GSR: variants seen among roughly 807,000 people sequenced by gnomAD.
GSR encodes the protein glutathione reductase, mitochondrial.
Under a neutral mutation model 56.5 loss-of-function variants are expected in GSR, and 48 were observed. The observed-to-expected ratio is 0.85, with a 90% CI of 0.67 to 1.08. The LOEUF is 1.08. Among genes scored for constraint, GSR ranks in the 50% least tolerant of loss-of-function variants. The pLI, the probability that GSR is intolerant of heterozygous loss-of-function variation, is 0.00. For synonymous variants in GSR, 264 were observed against 270.8 expected, an observed-to-expected ratio of 0.97 and a Z score of 0.25; for missense variants, 694 against 703.3, an observed-to-expected ratio of 0.99 and a Z score of 0.15.
intron 1 of GSR, among the ~76,000 whole-genome samples, chr8:30,723,406 C>A (rs766448657): frequency 6.6e-6 from 1 of 152,056 alleles, no homozygotes; most frequent in Non-Finnish European, 1.5e-5. Flanking sequence ...GTGGGAGGAT[C>A]GCTTGAGCCC....
intron 11 of GSR, among the ~76,000 whole-genome samples, chr8:30,681,489 C>T (rs770560628): frequency 7.3e-5 from 11 of 151,506 alleles, no homozygotes; most frequent in Non-Finnish European, 1.5e-4. Context: ...CGTGCCACTG[C>T]ACTCCAGCCT....
chr8:30,690,567 TC>T (rs1462282644), intron 8 of GSR, among the ~76,000 whole-genome samples: 4 of 152,160 alleles, frequency 2.6e-5, no homozygotes, highest in Non-Finnish European at 5.9e-5. Flanking sequence ...GATGGTAGCC[TC>T]CTCCACCAGC....
At chr8:30,698,091 G>A (rs181818967) in intron 6 of GSR, among the ~76,000 whole-genome samples, 1 of 152,236 alleles carries the variant, frequency 6.6e-6, no homozygotes, top group Admixed American at 6.6e-5. Flanking sequence ...CAAGGTTCAT[G>A]CTCCATCCAA....
At chr8:30,719,274 A>AT (rs869039312) in intron 1 of GSR, among the ~76,000 whole-genome samples, 1,160 of 17,152 alleles carry the variant, frequency 0.068, 20 homozygotes, top group Middle Eastern at 0.19. Flanking sequence ...ACCTGGATAA[A>AT]TTTTTTTTTT....
intron 7 of GSR, among the ~76,000 whole-genome samples, chr8:30,694,504 G>A (rs1419414694): frequency 2.6e-5 from 4 of 152,064 alleles, no homozygotes; most frequent in African/African-American, 4.8e-5. Context: ...GTAGAGATGG[G>A]GGTCTCACTA....
At position 30,692,865 on chromosome 8, in the gene GSR, C is replaced by T. The variant is rs76285803; in HGVS notation, c.882+104G>A. ...TACCCTAGAGGTGGAATATATGGAC[C>T]GGGGTAGACATAGTGTTTGTGTTTT... is the stretch of plus-strand genomic sequence containing the variant. On this transcript the variant is annotated intron_variant, in intron 8 of 12. Coordinates refer to ENST00000221130, the MANE Select transcript of GSR (RefSeq NM_000637.5). The T allele has an allele frequency of 2.9e-3, 2,246 of 773,586 alleles. 6 individuals are homozygous for T. Among genetic ancestry groups the T allele is most frequent in the Non-Finnish European group, 4.4e-3 (1,898 of 429,570 alleles). 47.9% of individuals were successfully genotyped at this position (773,586 alleles called of 1,614,324 possible). A position where few individuals can be genotyped will look rare whatever the true frequency, so the allele number is the denominator to read the frequency against.
intron 1 of GSR, among the ~76,000 whole-genome samples, chr8:30,724,483 C>T (rs1341731830): frequency 2.0e-5 from 3 of 151,344 alleles, no homozygotes; most frequent in Non-Finnish European, 4.4e-5. Flanking sequence ...GTTTTGATGC[C>T]TAGGCCTGGG....
rs1201408290 is a variant in GSR, at chr8:30,708,133, TTAA to T, written c.428_430del (p.Ile143del). ...GCTCACATAGGCATCCCGCTTTTCCTTAATAACACTGCAATGAAACCCAAGTCA... is the reference window on the plus strand; with the variant it reads ...GCTCACATAGGCATCCCGCTTTTCCTTAACACTGCAATGAAACCCAAGTCA... On this transcript the variant is annotated inframe_deletion, in exon 4 of 13. Transcript: ENST00000221130. 9 of 1,610,564 alleles carry T rather than the reference TTAA, an allele frequency of 5.6e-6. No individual in the cohort carries two copies. In the East Asian group the frequency reaches 2.0e-4, roughly 36 times the overall value.
intron 6 of GSR, among the ~76,000 whole-genome samples, chr8:30,697,800 G>A (rs914206357): frequency 1.1e-4 from 17 of 151,914 alleles, no homozygotes; most frequent in Non-Finnish European, 1.5e-4. Context: ...GTGATCCTCC[G>A]GCCTGAGCCT....
intron 4 of GSR, 89 bp from the exon 5 acceptor site, chr8:30,703,329 A>G (rs1307620287): frequency 1.6e-6 from 2 of 1,217,944 alleles, no homozygotes; most frequent in Non-Finnish European, 2.4e-6. Context: ...TTCTCTACTG[A>G]ACATTTTGAT....
At chr8:30,709,279 A>C (rs1041113362) in intron 3 of GSR, among the ~76,000 whole-genome samples, 2 of 152,054 alleles carry the variant, frequency 1.3e-5, no homozygotes, top group Non-Finnish European at 2.9e-5. Flanking sequence ...GTGGGAGGAT[A>C]GCTTGAGCCC....
intron 6 of GSR, among the ~76,000 whole-genome samples, chr8:30,698,514 G>T (rs942604683): frequency 6.6e-6 from 1 of 152,162 alleles, no homozygotes; most frequent in Non-Finnish European, 1.5e-5. Flanking sequence ...AACCAAAAAA[G>T]ATTGTATGGT....
intron 9 of GSR, 119 bp downstream of exon 9, chr8:30,689,042 G>T: frequency 1.2e-6 from 1 of 841,682 alleles, no homozygotes; most frequent in Admixed American, 2.0e-5. Context: ...CTGAATACAT[G>T]GGAAAAAGAG....
intron 8 of GSR, among the ~76,000 whole-genome samples, chr8:30,692,181 G>GTTTTT (rs71206278): frequency 7.7e-6 from 1 of 129,852 alleles, no homozygotes. Context: ...CTTCAAGGCT[G>GTTTTT]AATGTAAAAT....
rs558122912 is a variant in GSR at position 30,723,737 on chromosome 8, A to G, written c.306+3793T>C. Among the ~76,000 whole-genome samples, 3 of 151,794 alleles carry G rather than the reference A, an allele frequency of 2.0e-5. No individual in the cohort carries two copies. The East Asian group carries it at 5.8e-4, about 30-fold the overall frequency. On this transcript the variant is annotated intron_variant, in intron 1 of 12. Coordinates refer to ENST00000221130, the MANE Select transcript of GSR (RefSeq NM_000637.5). ...AACCCAGGAGACGGAGGTTGCAGTGAGCCGAGATCACCCCACTGCACTCCA... is the reference window on the plus strand; with the variant it reads ...AACCCAGGAGACGGAGGTTGCAGTGGGCCGAGATCACCCCACTGCACTCCA...
Position 30,696,366 on chromosome 8 carries a change from A to G in GSR, c.795+14T>C. The G allele has an allele frequency of 6.7e-7, 1 of 1,490,138 alleles. No homozygotes were observed. The highest frequency in any genetic ancestry group is 2.3e-5 in the East Asian group (1 of 44,246). The allele number at this position is 1,490,138 out of a possible 1,614,324, so 92.3% of individuals were successfully genotyped here. ...TAACATCAAGAAAAGCGAAAAGAAA[A>G]AGGTGGCATTTACCTTATCATGCCG... On this transcript the variant is annotated intron_variant, in intron 7 of 12. Transcript: ENST00000221130.
intron 8 of GSR, among the ~76,000 whole-genome samples, 188 bp from the exon 9 acceptor site, chr8:30,689,507 T>C (rs1286515025): frequency 6.6e-6 from 1 of 152,144 alleles, no homozygotes; most frequent in Non-Finnish European, 1.5e-5. Context: ...AAACCAAGCC[T>C]GTTCCCTGGG....
chr8:30,690,231 G>A (rs981372717), intron 8 of GSR, among the ~76,000 whole-genome samples: 1 of 150,754 alleles, frequency 6.6e-6, no homozygotes, highest in Non-Finnish European at 1.5e-5. Flanking sequence ...AGGCTGGAGT[G>A]CAGTGGCAAG....
At chr8:30,709,514 G>A (rs1474612219) in intron 3 of GSR, among the ~76,000 whole-genome samples, 1 of 152,140 alleles carries the variant, frequency 6.6e-6, no homozygotes, top group Non-Finnish European at 1.5e-5. Flanking sequence ...GAGACAGAAA[G>A]CAGAATAGAG....
Sources: allele counts gnomAD v4.1 joint callset (sites outside exome capture counted in the v4.1 genomes callset), GRCh38; gene constraint gnomAD v4.1.1; transcripts MANE v1.5; gene names NCBI Gene and HGNC (gene_info 2026-07-23, HGNC 2026-07-21).